The following CHST11 variants were observed in gnomAD, a reference collection of about 807,000 sequenced individuals.
The protein encoded by CHST11 is C4S-1.
CHST11 carries 9 observed loss-of-function variants against 30.4 expected under a neutral mutation model. The observed-to-expected ratio is 0.30, with a 90% CI of 0.18 to 0.52. The LOEUF is 0.52. CHST11 is among the 20% of genes least tolerant of loss of function. The pLI is 0.97. For synonymous variants in CHST11, 152 were observed against 187.8 expected (o/e 0.81, Z 1.56); for missense variants, 348 against 460.6 (o/e 0.76, Z 2.24).
intron 1 of CHST11, chr12:104,591,571 T>C (rs1046625317): frequency 6.5e-6 from 1 of 153,612 alleles, no homozygotes; most frequent in Non-Finnish European, 1.5e-5. Context: ...GTGGAAGCCA[T>C]GAGTTCTCTT....
chr12:104,515,578 TA>T, intron 1 of CHST11, among the ~76,000 whole-genome samples: 1 of 152,282 alleles, frequency 6.6e-6, no homozygotes, highest in East Asian at 1.9e-4. Context: ...CAGACACTGT[TA>T]GGGGTGGTAA....
intron 1 of CHST11, among the ~76,000 whole-genome samples, chr12:104,549,688 TTGAG>T (rs2136008207): frequency 6.6e-6 from 1 of 152,274 alleles, no homozygotes; most frequent in African/African-American, 2.4e-5. Context: ...GGAGGATTGC[TTGAG>T]CCCAGGAGTT....
intron 2 of CHST11, among the ~76,000 whole-genome samples, chr12:104,636,591 A>G (rs1228556640): frequency 6.6e-6 from 1 of 152,124 alleles, no homozygotes; most frequent in Non-Finnish European, 1.5e-5. Flanking sequence ...TTATTTATTT[A>G]TCAGTATTGT....
At chr12:104,502,266 T>G (rs903556202) in intron 1 of CHST11, among the ~76,000 whole-genome samples, 1 of 152,132 alleles carries the variant, frequency 6.6e-6, no homozygotes, top group Admixed American at 6.5e-5. Flanking sequence ...AGGCTGGTCT[T>G]GAACTCCTGG....
chr12:104,738,192 ACCGGCCTGC>A (rs2040317090), intron 2 of CHST11, among the ~76,000 whole-genome samples: 1 of 152,018 alleles, frequency 6.6e-6, no homozygotes, highest in South Asian at 2.1e-4. Flanking sequence ...TCTTCAGCAG[ACCGGCCTGC>A]CCTGTCATTT....
At chr12:104,681,511 TAA>T in intron 2 of CHST11, among the ~76,000 whole-genome samples, 1 of 152,316 alleles carries the variant, frequency 6.6e-6, no homozygotes, top group East Asian at 1.9e-4. Flanking sequence ...CACAACTCTG[TAA>T]ATACATGAAA....
rs184039710 is a variant in CHST11, at chr12:104,574,455, A to C, written c.119-27451A>C. 2.0e-3 allele frequency among the ~76,000 whole-genome samples: 308 copies of C among 152,378 alleles called. 3 individuals carry two copies. The highest frequency in any genetic ancestry group is 6.3e-3 in the African/African-American group (262 of 41,584). ...TTCGCAATAGGAAAGACTTGGAGCC[A>C]ACCCAAATGTCCAACAATGATAGAC... On this transcript the variant is annotated intron_variant, in intron 1 of 2. Coordinates refer to ENST00000303694, the MANE Select transcript of CHST11 (RefSeq NM_018413.6).
chr12:104,514,386 G>C, intron 1 of CHST11: 2 of 939,130 alleles, frequency 2.1e-6, no homozygotes, highest in Non-Finnish European at 1.8e-6. Context: ...CCTGTCTGAG[G>C]TCATGGGGCT....
intron 2 of CHST11, among the ~76,000 whole-genome samples, chr12:104,715,575 T>G (rs1278956493): frequency 6.6e-6 from 1 of 152,180 alleles, no homozygotes; most frequent in Non-Finnish European, 1.5e-5. Context: ...TGTGCAAGTT[T>G]GGACATCCAG....
intron 2 of CHST11, among the ~76,000 whole-genome samples, chr12:104,696,180 C>G (rs928024137): frequency 6.6e-6 from 1 of 152,062 alleles, no homozygotes; most frequent in East Asian, 1.9e-4. Context: ...TCCCACCCAC[C>G]CTACCTTTTT....
chr12:104,580,895 G>A (rs558165289), intron 1 of CHST11, among the ~76,000 whole-genome samples: 1 of 152,248 alleles, frequency 6.6e-6, no homozygotes, highest in East Asian at 1.9e-4. Flanking sequence ...CCTAGCCTGG[G>A]TTTTCATATT....
At chr12:104,475,315 G>A (rs1381972378) in intron 1 of CHST11, among the ~76,000 whole-genome samples, 1 of 151,792 alleles carries the variant, frequency 6.6e-6, no homozygotes. Flanking sequence ...ACCCATAATT[G>A]TTAGCTGTAA....
chr12:104,679,435 A>T (rs543291272), intron 2 of CHST11, among the ~76,000 whole-genome samples: 1 of 152,172 alleles, frequency 6.6e-6, no homozygotes, highest in Non-Finnish European at 1.5e-5. Context: ...GTCCTGCTCC[A>T]TATCCCCCTG....
intron 1 of CHST11, among the ~76,000 whole-genome samples, chr12:104,576,458 C>A (rs4964821): frequency 0.23 from 34,713 of 152,086 alleles, 5,029 homozygotes; most frequent in East Asian, 0.61. Flanking sequence ...GGGTGACCGT[C>A]CACTAGAAAG....
At chr12:104,481,194 A>C in intron 1 of CHST11, among the ~76,000 whole-genome samples, 1 of 152,214 alleles carries the variant, frequency 6.6e-6, no homozygotes, top group African/African-American at 2.4e-5. Context: ...CCTGACTTCA[A>C]GGTCCCGCCT....
At chr12:104,505,573 TC>T (rs1237940620) in intron 1 of CHST11, among the ~76,000 whole-genome samples, 2 of 152,190 alleles carry the variant, frequency 1.3e-5, no homozygotes, top group Non-Finnish European at 2.9e-5. Flanking sequence ...TCAGAGTGAC[TC>T]AGGAGTGGGT....
At chr12:104,742,859 T>C (rs903025418) in intron 2 of CHST11, among the ~76,000 whole-genome samples, 2 of 152,226 alleles carry the variant, frequency 1.3e-5, no homozygotes, top group African/African-American at 4.8e-5. Context: ...CCCTCCCTCA[T>C]CAAAAGCTGT....
At chr12:104,571,984 G>C (rs917735087) in intron 1 of CHST11, among the ~76,000 whole-genome samples, 5 of 152,340 alleles carry the variant, frequency 3.3e-5, no homozygotes, top group Non-Finnish European at 7.3e-5. Flanking sequence ...TGTGGTTTTT[G>C]TCGTTGGTTC....
intron 2 of CHST11, among the ~76,000 whole-genome samples, chr12:104,633,877 C>T (rs574314348): frequency 2.0e-5 from 3 of 152,192 alleles, no homozygotes; most frequent in Non-Finnish European, 4.4e-5. Context: ...CCACTCCCAG[C>T]TCCCCCTGCC....
Sources: gnomAD v4.1 joint callset for allele counts (sites outside exome capture counted in the v4.1 genomes callset) on GRCh38, gnomAD v4.1.1 for gene constraint, MANE v1.5 for transcripts, NCBI Gene and HGNC (gene_info 2026-07-23, HGNC 2026-07-21) for gene names.